FANCI: variants seen among roughly 807,000 people sequenced by gnomAD.
FANCI encodes Fanconi anemia group I protein.
A neutral mutation model predicts 176.1 loss-of-function variants in FANCI; 156 were observed. The observed-to-expected ratio is 0.89, with a 90% CI of 0.78 to 1.01. The LOEUF (loss-of-function observed/expected upper bound fraction) is 1.01, where lower values mean the gene tolerates loss of function less well. Ranked by LOEUF, FANCI falls within the 50% of genes least tolerant of loss-of-function variation. The pLI is 0.00. For missense variants in FANCI, 1,678 were observed against 1,534.1 expected (o/e 1.09, Z -1.57); for synonymous variants, 613 against 541.7 (o/e 1.13, Z -1.83).
At chr15:89,291,590 C>A in intron 19 of FANCI, 23 bp from the exon 20 acceptor site, 1 of 1,590,268 alleles carries the variant, frequency 6.3e-7, no homozygotes, top group Middle Eastern at 1.7e-4. Flanking sequence ...GCCAAGATGT[C>A]TTTTTTTTCT....
Position 89,268,442 on chromosome 15 carries a change from G to C in FANCI, c.799G>C (p.Val267Leu). Residue 267 changes from valine (V) to leucine (L), a missense_variant, in exon 10 of 38, where the codon GTG (valine) becomes CTG (leucine). Coordinates refer to ENST00000310775, the MANE Select transcript of FANCI (RefSeq NM_001113378.2). ...VTVPSGELRH[V>L]EGTIILHIVF... is the part of the protein sequence containing the mutation. Reference sequence around the variant, plus strand: ...TGTGCCATCAGGTGAACTTCGTCATGTGGAAGGCACCATTATTCTACACAT... The same window carrying C: ...TGTGCCATCAGGTGAACTTCGTCATCTGGAAGGCACCATTATTCTACACAT... The C allele has an allele frequency of 6.2e-7, 1 of 1,614,164 alleles. No individual in the cohort carries two copies. Among genetic ancestry groups the C allele is most frequent in the South Asian group, 1.1e-5 (1 of 91,086 alleles).
At chr15:89,251,823 T>G (rs2052264334) in intron 2 of FANCI, among the ~76,000 whole-genome samples, 1 of 152,198 alleles carries the variant, frequency 6.6e-6, no homozygotes, top group Non-Finnish European at 1.5e-5. Context: ...GGTGGCTGTT[T>G]CCTTTACATC....
intron 24 of FANCI, among the ~76,000 whole-genome samples, chr15:89,297,513 C>G (rs1247848891): frequency 1.3e-5 from 2 of 152,208 alleles, no homozygotes; most frequent in East Asian, 3.9e-4. Flanking sequence ...AATCCCGGCA[C>G]CTCGGGAGGC....
At chr15:89,255,297 C>G (rs1281972915) in intron 2 of FANCI, among the ~76,000 whole-genome samples, 1 of 152,128 alleles carries the variant, frequency 6.6e-6, no homozygotes, top group Non-Finnish European at 1.5e-5. Flanking sequence ...TTTAGTGTAT[C>G]AAATCACTGA....
chr15:89,260,628 A>G (rs2052674060), intron 3 of FANCI, 85 bp from the exon 4 acceptor site: 1 of 1,538,760 alleles, frequency 6.5e-7, no homozygotes, highest in Non-Finnish European at 8.9e-7. Context: ...GTTTTTTTGT[A>G]TTTAACTACA....
intron 1 of FANCI, among the ~76,000 whole-genome samples, chr15:89,247,332 G>A (rs1243158727): frequency 1.3e-5 from 2 of 152,128 alleles, no homozygotes; most frequent in Non-Finnish European, 2.9e-5. Context: ...TAGGTAGTAT[G>A]GTGAGTAGAT....
In FANCI at chr15:89,273,511, TA is replaced by T. The variant is rs34985075; in HGVS notation, c.975+66del. 112,404 of 471,634 alleles carry T rather than the reference TA, an allele frequency of 0.24. 3,725 individuals are homozygous for T. The highest frequency in any genetic ancestry group is 0.27 in the East Asian group (6,309 of 23,740). 29.2% of individuals were successfully genotyped at this position (471,634 alleles called of 1,614,324 possible). On this transcript the variant is annotated intron_variant, in intron 11 of 37. Transcript: ENST00000310775. ...CCATTTTGTTTCTTTCTGTAGTTGG[TA>T]AAAAAAAAAAAAAAAAAAAAAAATC...
Position 89,309,251 on chromosome 15 carries a change from G to T in FANCI, c.3651+1579G>T, listed in dbSNP as rs1417274762. ...GTGCCATTCGTCAAACAAATCTGTTGTCTATATATAGGATATATATCTGTC... is the reference window on the plus strand; with the variant it reads ...GTGCCATTCGTCAAACAAATCTGTTTTCTATATATAGGATATATATCTGTC... On this transcript the variant is annotated intron_variant, in intron 34 of 37. Transcript: ENST00000310775. Among the ~76,000 whole-genome samples, 6 of 152,072 alleles carry T rather than the reference G, an allele frequency of 3.9e-5. No individual in the cohort carries two copies. The South Asian group carries it at 1.0e-3, about 26-fold the overall frequency.
Position 89,268,595 on chromosome 15 carries a change from T to C in FANCI, c.882+70T>C, listed in dbSNP as rs745414844. ...AGTGTTTGAACTTAAGCCACTGTTA[T>C]GCCAGTTAATGACAGGAAATAAATA... On this transcript the variant is annotated intron_variant, in intron 10 of 37. Coordinates refer to ENST00000310775, the MANE Select transcript of FANCI (RefSeq NM_001113378.2). The C allele has an allele frequency of 1.2e-4, 188 of 1,576,014 alleles. 1 individual carries two copies. The highest frequency in any genetic ancestry group is 1.4e-4 in the Non-Finnish European group (158 of 1,146,436).
chr15:89,251,433 A>G (rs1466988154), intron 2 of FANCI, among the ~76,000 whole-genome samples: 1 of 152,240 alleles, frequency 6.6e-6, no homozygotes, highest in Non-Finnish European at 1.5e-5. Flanking sequence ...GAGCATAAAT[A>G]ATAAAGGAAA....
Position 89,316,507 on chromosome 15 carries a change from T to C in FANCI, c.*48T>C. The stretch of plus-strand genomic sequence containing the variant: ...AACTTTGGGGCTTCTGCTTCATTTT[T>C]ACCCAACAAGCAACAATGCCCCTTG... On this transcript the variant is annotated 3_prime_UTR_variant, in exon 38 of 38. Coordinates refer to ENST00000310775, the MANE Select transcript of FANCI (RefSeq NM_001113378.2). The C allele has an allele frequency of 6.4e-7, 1 of 1,562,740 alleles. No individual in the cohort carries two copies. The highest frequency in any genetic ancestry group is 2.3e-5 in the East Asian group (1 of 42,572).
intron 36 of FANCI, 132 bp downstream of exon 36, chr15:89,314,839 C>T: frequency 9.7e-6 from 4 of 413,330 alleles, no homozygotes; most frequent in South Asian, 7.8e-5. Context: ...CCCCCTCTCC[C>T]CCCCCCCCCC....
intron 36 of FANCI, 130 bp downstream of exon 36, chr15:89,314,837 C>T: frequency 6.9e-4 from 6 of 8,674 alleles, no homozygotes; most frequent in South Asian, 5.9e-3. Context: ...TCCCCCCTCT[C>T]CCCCCCCCCC....
chr15:89,296,971 A>ACC (rs575310390), intron 24 of FANCI, among the ~76,000 whole-genome samples: 11,777 of 96,708 alleles, frequency 0.12, 900 homozygotes, highest in African/African-American at 0.25. Flanking sequence ...CGGGGGGCTG[A>ACC]CCCCCCCCAC....
intron 37 of FANCI, among the ~76,000 whole-genome samples, 194 bp downstream of exon 37, chr15:89,315,583 G>A (rs891755557): frequency 3.9e-5 from 6 of 152,190 alleles, no homozygotes; most frequent in South Asian, 4.1e-4. Flanking sequence ...AAGTTGCCCC[G>A]ACTTGTTTGA....
chr15:89,280,131 C>G (rs533271740), intron 14 of FANCI, among the ~76,000 whole-genome samples: 1 of 152,314 alleles, frequency 6.6e-6, no homozygotes, highest in African/African-American at 2.4e-5. Flanking sequence ...AAGCAATTCT[C>G]CTGCCTCAGC....
chr15:89,266,424 G>A (rs2151333206), intron 9 of FANCI, among the ~76,000 whole-genome samples: 1 of 151,316 alleles, frequency 6.6e-6, no homozygotes, highest in South Asian at 2.1e-4. Context: ...TGCCTCCTGG[G>A]TTCAAGCGAT....
rs374523772 is a variant in FANCI, at chr15:89,273,364, T to C, written c.883-13T>C. ...TGTAAGTAAATGACTTCCTTTTGGTTGCTCTCTTCTAGGTAGGACAGCAAG... is the reference window on the plus strand; with the variant it reads ...TGTAAGTAAATGACTTCCTTTTGGTCGCTCTCTTCTAGGTAGGACAGCAAG... On this transcript the variant is annotated splice_polypyrimidine_tract_variant and intron_variant, in intron 10 of 37. Coordinates refer to ENST00000310775, the MANE Select transcript of FANCI (RefSeq NM_001113378.2). 23 of 1,366,606 alleles carry C rather than the reference T, an allele frequency of 1.7e-5. No homozygotes were observed. Among genetic ancestry groups the C allele is most frequent in the Non-Finnish European group, 2.2e-5 (21 of 964,190 alleles). 84.7% of individuals were successfully genotyped at this position (1,366,606 alleles called of 1,614,324 possible).
chr15:89,250,722 AAAAT>A (rs1055851603), intron 2 of FANCI, among the ~76,000 whole-genome samples: 4 of 150,332 alleles, frequency 2.7e-5, no homozygotes, highest in Non-Finnish European at 5.9e-5. Flanking sequence ...TAAAAATAAA[AAAAT>A]ACCTTCTAAA....
Sources: allele counts gnomAD v4.1 joint callset (sites outside exome capture counted in the v4.1 genomes callset), GRCh38; gene constraint gnomAD v4.1.1; transcripts MANE v1.5; gene names NCBI Gene and HGNC (gene_info 2026-07-23, HGNC 2026-07-21).